Variants in DAB1 observed in about 807,000 individuals in gnomAD.
DAB1 encodes the protein DAB adaptor protein 1.
Under a neutral mutation model 64.6 loss-of-function variants are expected in DAB1, and 15 were observed. The ratio of observed to expected loss-of-function variants is 0.23; its 90% CI spans 0.16 to 0.36. The LOEUF is 0.36. Ranked by LOEUF, DAB1 falls within the 10% of genes least tolerant of loss-of-function variation. The pLI is 1.00. For synonymous variants in DAB1, 235 were observed against 251.9 expected (o/e 0.93, Z 0.64); for missense variants, 596 against 706.7 (o/e 0.84, Z 1.78).
intron 4 of DAB1, among the ~76,000 whole-genome samples, chr1:57,129,023 T>C (rs1657409397): frequency 1.3e-5 from 2 of 152,168 alleles, no homozygotes; most frequent in Middle Eastern, 3.4e-3. Flanking sequence ...ATGGGAGGAG[T>C]GGCTTCTTAG....
chr1:58,071,145 T>C (rs947809613), intron 5 of DAB1, among the ~76,000 whole-genome samples: 2 of 152,092 alleles, frequency 1.3e-5, no homozygotes, highest in Non-Finnish European at 2.9e-5. Flanking sequence ...AATGGCCAGA[T>C]GGGCAGGAGG....
At chr1:57,873,878 C>T (rs1427311091) in intron 1 of DAB1, 1 of 152,114 alleles carries the variant, frequency 6.6e-6, no homozygotes, top group Admixed American at 6.6e-5. Flanking sequence ...ACTATTATTG[C>T]TGGACTCTGA....
At chr1:57,382,368 G>A (rs558353488) in intron 1 of DAB1, among the ~76,000 whole-genome samples, 3 of 152,228 alleles carry the variant, frequency 2.0e-5, no homozygotes, top group African/African-American at 7.2e-5. Flanking sequence ...GTTGATCTGA[G>A]GCTCATTCAT....
chr1:57,407,194 A>G (rs1241880332), intron 1 of DAB1, among the ~76,000 whole-genome samples: 2 of 152,224 alleles, frequency 1.3e-5, no homozygotes, highest in African/African-American at 4.8e-5. Flanking sequence ...TCCCCGCGCC[A>G]GTAGGATTTG....
chr1:57,885,045 T>C (rs1265788014), upstream of DAB1, among the ~76,000 whole-genome samples: 2 of 152,194 alleles, frequency 1.3e-5, no homozygotes, highest in Non-Finnish European at 2.9e-5. Flanking sequence ...CAAACAAATC[T>C]CTTATCTTTA....
chr1:58,311,077 C>T (rs771948776), intron 4 of DAB1, among the ~76,000 whole-genome samples: 3 of 152,114 alleles, frequency 2.0e-5, no homozygotes. Context: ...TAGCAGGAAT[C>T]TCCCAATTCT....
intron 6 of DAB1, among the ~76,000 whole-genome samples, chr1:57,666,950 G>C (rs145495688): frequency 1.3e-5 from 2 of 151,954 alleles, no homozygotes; most frequent in African/African-American, 2.4e-5. Flanking sequence ...TTTCCATCAT[G>C]GCTAGAAAAC....
chr1:57,497,950 T>A (rs956642367), intron 7 of DAB1, among the ~76,000 whole-genome samples: 1 of 152,166 alleles, frequency 6.6e-6, no homozygotes, highest in African/African-American at 2.4e-5. Flanking sequence ...ATCAGAATGA[T>A]CAGTCAGGAG....
intron 1 of DAB1, among the ~76,000 whole-genome samples, chr1:57,403,830 A>G (rs1386798424): frequency 6.6e-6 from 1 of 152,224 alleles, no homozygotes. Context: ...ATTAAATAAA[A>G]TTAAATGTAG....
chr1:58,249,100 G>C (rs559502636), intron 4 of DAB1, among the ~76,000 whole-genome samples: 1 of 152,156 alleles, frequency 6.6e-6, no homozygotes, highest in South Asian at 2.1e-4. Flanking sequence ...CACCTTTTCT[G>C]AGCTGTTCGA....
chr1:58,106,284 C>A (rs1414746263), intron 5 of DAB1, among the ~76,000 whole-genome samples: 1 of 151,886 alleles, frequency 6.6e-6, no homozygotes, highest in East Asian at 1.9e-4. Context: ...TTCGGGTAAT[C>A]CTCCTGCCTC....
At chr1:57,441,903 A>G (rs767371561) in intron 7 of DAB1, among the ~76,000 whole-genome samples, 2 of 152,208 alleles carry the variant, frequency 1.3e-5, no homozygotes, top group Non-Finnish European at 2.9e-5. Context: ...TATTCCCAAT[A>G]GTGTATAAGT....
intron 2 of DAB1, among the ~76,000 whole-genome samples, chr1:57,239,567 C>T (rs139759704): frequency 1.5e-3 from 234 of 152,316 alleles, no homozygotes; most frequent in African/African-American, 5.3e-3. Flanking sequence ...CGGCCTTTCA[C>T]ATTCCACACT....
chr1:57,971,614 G>A (rs1645798385), intron 5 of DAB1, among the ~76,000 whole-genome samples: 1 of 152,144 alleles, frequency 6.6e-6, no homozygotes, highest in East Asian at 1.9e-4. Context: ...GGAGTTTTGG[G>A]GAAAATGAAA....
At chr1:58,300,624 G>GGA (rs1557726115) in intron 4 of DAB1, among the ~76,000 whole-genome samples, 4 of 42,168 alleles carry the variant, frequency 9.5e-5, no homozygotes, top group African/African-American at 2.5e-4. Flanking sequence ...GAGAGAGAGA[G>GGA]AGAGAGAGAG....
intron 5 of DAB1, among the ~76,000 whole-genome samples, chr1:58,098,978 G>A (rs897020118): frequency 5.9e-5 from 9 of 152,192 alleles, no homozygotes; most frequent in Non-Finnish European, 2.9e-5. Context: ...TGGAGAAGAA[G>A]AGACAGAGGC....
downstream of DAB1, among the ~76,000 whole-genome samples, chr1:57,822,295 T>G (rs551175783): frequency 6.6e-6 from 1 of 152,264 alleles, no homozygotes; most frequent in South Asian, 2.1e-4. Flanking sequence ...AAGTGTTTCT[T>G]CTATCCAAAG....
Position 57,895,572 on chromosome 1 carries a change from G to A in DAB1, n.388-11410C>T, listed in dbSNP as rs1255457866. 2.0e-5 allele frequency among the ~76,000 whole-genome samples: 3 copies of A among 152,202 alleles called. No homozygotes were observed. The East Asian group carries it at 5.8e-4, about 29-fold the overall frequency. ...TCCCTGCCCTCAGGAAGCATACAGT[G>A]TAGCAAGAAAGGTTGACATATTCAT... On this transcript the variant is annotated intron_variant and non_coding_transcript_variant, in intron 5 of 20. Transcript: ENST00000485760.
intron 5 of DAB1, among the ~76,000 whole-genome samples, chr1:58,037,838 T>C (rs973795408): frequency 1.3e-5 from 2 of 152,144 alleles, no homozygotes; most frequent in African/African-American, 4.8e-5. Context: ...AGCTTCCTAA[T>C]AGATCAGGTT....
Sources: allele counts gnomAD v4.1 joint callset (sites outside exome capture counted in the v4.1 genomes callset), GRCh38; gene constraint gnomAD v4.1.1; transcripts MANE v1.5; gene names NCBI Gene and HGNC (gene_info 2026-07-23, HGNC 2026-07-21).